NELL1: variants seen among roughly 807,000 people sequenced by gnomAD.
NELL1 encodes protein kinase C-binding protein NELL1.
In NELL1, 76 loss-of-function variants were observed where a neutral mutation model predicts 107.4. That is an observed-to-expected ratio of 0.71 (90% CI 0.59 to 0.86). The LOEUF (loss-of-function observed/expected upper bound fraction) is 0.86. NELL1 is among the 40% of genes least tolerant of loss of function. NELL1 has a pLI of 0.00. For missense variants in NELL1, 1,024 were observed against 1,005.5 expected (o/e 1.02, Z -0.25); for synonymous variants, 353 against 341.2 (o/e 1.03, Z -0.38).
intron 5 of NELL1, among the ~76,000 whole-genome samples, chr11:20,892,928 C>CAAA (rs35992813): frequency 3.0e-5 from 3 of 98,362 alleles, no homozygotes; most frequent in African/African-American, 7.3e-5. Flanking sequence ...GACTGTGTCT[C>CAAA]AAAAAAAAAA....
intron 17 of NELL1, among the ~76,000 whole-genome samples, chr11:21,563,762 C>T (rs1035517296): frequency 3.3e-5 from 5 of 151,768 alleles, no homozygotes; most frequent in South Asian, 2.1e-4. Context: ...TACTGAGGGA[C>T]GACTGAATGC....
intron 4 of NELL1, among the ~76,000 whole-genome samples, chr11:20,884,932 G>T (rs1849477364): frequency 6.6e-6 from 1 of 152,150 alleles, no homozygotes; most frequent in Non-Finnish European, 1.5e-5. Flanking sequence ...CTAGGCAGCT[G>T]CAATCTACTT....
At chr11:20,840,707 T>TCA (rs1372769244) in intron 3 of NELL1, among the ~76,000 whole-genome samples, 1 of 152,258 alleles carries the variant, frequency 6.6e-6, no homozygotes, top group Admixed American at 6.5e-5. Flanking sequence ...TTTATGGAAT[T>TCA]CACCAAGCAT....
intron 12 of NELL1, among the ~76,000 whole-genome samples, chr11:20,967,493 T>C (rs1204601953): frequency 6.6e-6 from 1 of 152,148 alleles, no homozygotes; most frequent in Non-Finnish European, 1.5e-5. Context: ...CAGGTACTTT[T>C]CTCCCAATTT....
intron 15 of NELL1, among the ~76,000 whole-genome samples, chr11:21,461,862 G>C (rs1853908414): frequency 6.6e-6 from 1 of 152,068 alleles, no homozygotes; most frequent in African/African-American, 2.4e-5. Flanking sequence ...GGAAAGTAAA[G>C]ACCTGGAAAC....
intron 12 of NELL1, among the ~76,000 whole-genome samples, chr11:21,059,212 A>G (rs968173349): frequency 4.7e-5 from 7 of 149,440 alleles, no homozygotes; most frequent in African/African-American, 1.7e-4. Context: ...CCATCTCTAC[A>G]TCTACACTTT....
At chr11:21,324,127 T>G (rs1169898582) in intron 14 of NELL1, among the ~76,000 whole-genome samples, 1 of 152,140 alleles carries the variant, frequency 6.6e-6, no homozygotes, top group African/African-American at 2.4e-5. Flanking sequence ...CTGGATACTT[T>G]GCTAGCATTG....
chr11:21,429,409 A>T (rs1305815280), intron 15 of NELL1, among the ~76,000 whole-genome samples: 2 of 152,308 alleles, frequency 1.3e-5, no homozygotes, highest in East Asian at 3.9e-4. Context: ...TTTTAAACTC[A>T]TTGGGGGCAA....
chr11:21,186,289 G>A (rs1166240829), intron 13 of NELL1, among the ~76,000 whole-genome samples: 2 of 151,820 alleles, frequency 1.3e-5, no homozygotes, highest in African/African-American at 2.4e-5. Context: ...AGCATATGCA[G>A]TTCCCTGTAA....
chr11:21,522,149 G>T (rs1053250463), intron 15 of NELL1, among the ~76,000 whole-genome samples: 1 of 151,700 alleles, frequency 6.6e-6, no homozygotes, highest in Admixed American at 6.6e-5. Context: ...CAGGAGAATG[G>T]CATGAACCCG....
At chr11:21,381,117 G>C (rs1162684728) in intron 15 of NELL1, among the ~76,000 whole-genome samples, 1 of 151,948 alleles carries the variant, frequency 6.6e-6, no homozygotes, top group Non-Finnish European at 1.5e-5. Context: ...TTTATAATCT[G>C]CTACCTCGTG....
intron 2 of NELL1, among the ~76,000 whole-genome samples, chr11:20,714,272 C>T (rs1157166052): frequency 3.1e-5 from 4 of 130,884 alleles, no homozygotes. Context: ...GGTGCCTTCT[C>T]AGCTCACTGC....
At chr11:20,871,142 T>A (rs549318938) in intron 4 of NELL1, among the ~76,000 whole-genome samples, 3 of 152,216 alleles carry the variant, frequency 2.0e-5, no homozygotes, top group Non-Finnish European at 2.9e-5. Context: ...TACTGTGCTA[T>A]GCCCTTAATA....
At chr11:21,507,568 CT>C (rs1453434434) in intron 15 of NELL1, among the ~76,000 whole-genome samples, 1 of 151,966 alleles carries the variant, frequency 6.6e-6, no homozygotes, top group Admixed American at 6.6e-5. Flanking sequence ...GCTTACATTG[CT>C]TTTTTGAGGT....
At chr11:20,690,843 G>T (rs1476177613) in intron 2 of NELL1, among the ~76,000 whole-genome samples, 1 of 150,290 alleles carries the variant, frequency 6.7e-6, no homozygotes, top group African/African-American at 2.4e-5. Context: ...GCTTGATGGG[G>T]ATGGCATTGA....
chr11:20,896,815 G>T (rs1243900746), intron 5 of NELL1, among the ~76,000 whole-genome samples: 1 of 152,080 alleles, frequency 6.6e-6, no homozygotes, highest in South Asian at 2.1e-4. Context: ...ATTCACAATT[G>T]CTTCAAAGAG....
At chr11:21,530,164 A>C (rs1302348221) in intron 15 of NELL1, among the ~76,000 whole-genome samples, 1 of 152,146 alleles carries the variant, frequency 6.6e-6, no homozygotes, top group African/African-American at 2.4e-5. Context: ...AGTTTTTCTC[A>C]TGACTCAATA....
rs144555978 is a variant in NELL1 at position 20,885,515 on chromosome 11, G to C, written c.578G>C (p.Arg193Pro). ...PPGINLWLGQ[R>P]NQKHGLFKGI... is the part of the protein sequence containing the mutation. The stretch of plus-strand genomic sequence containing the variant: ...GGAATCAATTTATGGCTTGGCCAGC[G>C]CAACCAAAAGCATGGCTTATTCAAA... The change falls in exon 5 of 20, where the codon CGC (arginine) becomes CCC (proline). Residue 193 changes from arginine to proline, a missense_variant. Transcript: ENST00000357134. 3.1e-6 allele frequency: 5 copies of C among 1,610,340 alleles called. No individual in the cohort carries two copies. The highest frequency in any genetic ancestry group is 2.5e-6 in the Non-Finnish European group (3 of 1,176,794).
At chr11:21,331,024 G>C (rs1850261222) in intron 14 of NELL1, among the ~76,000 whole-genome samples, 1 of 151,992 alleles carries the variant, frequency 6.6e-6, no homozygotes, top group Admixed American at 6.6e-5. Context: ...TTTCATTTCA[G>C]TTATATTAGT....
Sources: gnomAD v4.1 joint callset for allele counts (sites outside exome capture counted in the v4.1 genomes callset) on GRCh38, gnomAD v4.1.1 for gene constraint, MANE v1.5 for transcripts, NCBI Gene and HGNC (gene_info 2026-07-23, HGNC 2026-07-21) for gene names.